The following TARS3 variants were observed in gnomAD, a reference collection of about 807,000 sequenced individuals.
The protein encoded by TARS3 is threonine--tRNA ligase 2, cytoplasmic.
In TARS3, 94 loss-of-function variants were observed where a neutral mutation model predicts 103.5. The ratio of observed to expected loss-of-function variants is 0.91; its 90% confidence interval spans 0.77 to 1.08. TARS3 has a LOEUF of 1.08. TARS3 is among the 50% of genes least tolerant of loss of function. The pLI, the probability that TARS3 is intolerant of heterozygous loss-of-function variation, is 0.00. For missense variants in TARS3, 952 were observed against 995.2 expected (o/e 0.96, Z 0.58); for synonymous variants, 416 against 355.4 (o/e 1.17, Z -1.92).
intron 10 of TARS3, among the ~76,000 whole-genome samples, chr15:101,695,324 AT>A (rs779335598): frequency 3.1e-4 from 47 of 152,218 alleles, no homozygotes; most frequent in Non-Finnish European, 5.6e-4. Flanking sequence ...TAGTTTTGGC[AT>A]TTCTGAAATG....
At position 101,723,082 on chromosome 15, in the gene TARS3, C is replaced by T; in HGVS notation, c.369+11G>A. 1 of 1,612,806 alleles carries T rather than the reference C, an allele frequency of 6.2e-7. No individual in the cohort carries two copies. Among genetic ancestry groups the T allele is most frequent in the African/African-American group, 1.3e-5 (1 of 75,024 alleles). On this transcript the variant is annotated intron_variant, in intron 2 of 18. Transcript: ENST00000335968. ...GTAGTATTTTATATTGTTTCCACAGCAACAACTTACCTCGCTGTCAGCCTC... is the reference window on the plus strand; with the variant it reads ...GTAGTATTTTATATTGTTTCCACAGTAACAACTTACCTCGCTGTCAGCCTC...
chr15:101,714,018 A>G (rs928084168), intron 4 of TARS3, among the ~76,000 whole-genome samples: 1 of 152,244 alleles, frequency 6.6e-6, no homozygotes, highest in Non-Finnish European at 1.5e-5. Flanking sequence ...TAAGCTAATC[A>G]TAACTTAGGT....
chr15:101,662,030 T>C (rs563209927), intron 15 of TARS3, among the ~76,000 whole-genome samples: 1 of 152,332 alleles, frequency 6.6e-6, no homozygotes, highest in East Asian at 1.9e-4. Flanking sequence ...CACTGAAACA[T>C]ATACAAAAGT....
chr15:101,664,404 C>G (rs550524535), intron 15 of TARS3: 1 of 152,192 alleles, frequency 6.6e-6, no homozygotes, highest in African/African-American at 2.4e-5. Flanking sequence ...TTAGACTTTT[C>G]GGAGTCCTAC....
In TARS3 at chr15:101,684,078, C is replaced by T. The variant is rs765089231; in HGVS notation, c.1647G>A (p.Glu549=). The change falls in exon 12 of 19, where the codon GAG becomes GAA. Residue 549 remains glutamate, a synonymous_variant. Coordinates refer to ENST00000335968, the MANE Select transcript of TARS3 (RefSeq NM_152334.3). ...TTCACTCTGTGTTATTGTTTACCTG[C>T]TCCACTGTGCAAAAAATGTGAGCAT... is the stretch of plus-strand genomic sequence containing the variant. ...QDDAHIFCTV[E]QIEEEIKGCL... is the part of the protein sequence containing the mutation. The T allele has an allele frequency of 1.9e-6, 3 of 1,612,722 alleles. No individual in the cohort carries two copies. In the Admixed American group the frequency reaches 5.0e-5, roughly 27 times the overall value.
At chr15:101,693,268 G>A (rs931712083) in intron 10 of TARS3, among the ~76,000 whole-genome samples, 1 of 152,264 alleles carries the variant, frequency 6.6e-6, no homozygotes, top group Middle Eastern at 3.4e-3. Context: ...GGCTGGTGGG[G>A]GGGCCTCACA....
intron 12 of TARS3, among the ~76,000 whole-genome samples, chr15:101,681,108 A>G (rs1419298847): frequency 6.6e-6 from 1 of 152,138 alleles, no homozygotes; most frequent in Non-Finnish European, 1.5e-5. Context: ...AGTTGTCCAT[A>G]TATTTGTGTC....
intron 12 of TARS3, 42 bp from the exon 13 acceptor site, chr15:101,675,779 T>C: frequency 1.3e-6 from 2 of 1,564,808 alleles, no homozygotes; most frequent in Non-Finnish European, 1.7e-6. Context: ...GAACATCAAA[T>C]TCATTTATGT....
At chr15:101,712,567 G>C (rs559841775) in intron 4 of TARS3, among the ~76,000 whole-genome samples, 2 of 152,166 alleles carry the variant, frequency 1.3e-5, no homozygotes, top group African/African-American at 2.4e-5. Context: ...GCCAGGGAAC[G>C]TCTGCTGGCT....
At chr15:101,682,412 C>CA (rs1442031409) in intron 12 of TARS3, among the ~76,000 whole-genome samples, 3 of 151,616 alleles carry the variant, frequency 2.0e-5, no homozygotes, top group African/African-American at 7.3e-5. Context: ...TGTTTGTTTT[C>CA]TTTTTTTTAG....
At chr15:101,655,587 C>G (rs1897170967) in intron 18 of TARS3, among the ~76,000 whole-genome samples, 1 of 140,010 alleles carries the variant, frequency 7.1e-6, no homozygotes, top group Non-Finnish European at 1.5e-5. Context: ...CACTAGGGCG[C>G]AAATGAGAGC....
chr15:101,692,717 T>C (rs1009495347), intron 10 of TARS3, among the ~76,000 whole-genome samples: 1 of 152,246 alleles, frequency 6.6e-6, no homozygotes, highest in South Asian at 2.1e-4. Flanking sequence ...AAGGGATTCT[T>C]GCTATTGGTA....
chr15:101,724,406 C>G lies in TARS3; in HGVS notation c.-19G>C, dbSNP rs967951956. 4 of 1,400,694 alleles carry G rather than the reference C, an allele frequency of 2.9e-6. No individual in the cohort carries two copies. The African/African-American group carries it at 6.0e-5, about 21-fold the overall frequency. 86.8% of individuals were successfully genotyped at this position (1,400,694 alleles called of 1,614,324 possible). ...CCGCCATCGCGGCCTCCCTCAGGCA[C>G]CGACGCCGAGCGGGGTGCCCGCGAC... On this transcript the variant is annotated 5_prime_UTR_variant, in exon 1 of 19. Coordinates refer to ENST00000335968, the MANE Select transcript of TARS3 (RefSeq NM_152334.3).
At chr15:101,667,249 T>A (rs1897616224) in intron 15 of TARS3, among the ~76,000 whole-genome samples, 1 of 152,142 alleles carries the variant, frequency 6.6e-6, no homozygotes, top group Non-Finnish European at 1.5e-5. Context: ...GCAGAGTAAA[T>A]TTAGCATTAT....
chr15:101,702,519 C>T (rs1899336374), intron 8 of TARS3, 134 bp from the exon 9 acceptor site: 5 of 759,198 alleles, frequency 6.6e-6, no homozygotes, highest in Non-Finnish European at 1.1e-5. Context: ...CCTATAATCC[C>T]AGCACTTTGG....
intron 12 of TARS3, among the ~76,000 whole-genome samples, chr15:101,678,257 C>G (rs1192067923): frequency 1.3e-5 from 2 of 152,274 alleles, no homozygotes; most frequent in Non-Finnish European, 2.9e-5. Context: ...GAATTACAGG[C>G]ATGAGCCACC....
chr15:101,708,836 T>A lies in TARS3; in HGVS notation c.887A>T (p.Glu296Val). Residue 296 changes from glutamate to valine, a missense_variant, in exon 6 of 19, where the codon GAA (glutamate) becomes GTA (valine). By Grantham distance (121) the Glu-to-Val change is moderately radical. Transcript: ENST00000335968. ...KAIIKEKQPF[E>V]RLEVSKEILL... is the part of the protein sequence containing the mutation. ...GATTTCCTTGCTGACTTCTAGTCTTTCAAAAGGTTGCTTTTCTTTTATGAT... is the reference window on the plus strand; with the variant it reads ...GATTTCCTTGCTGACTTCTAGTCTTACAAAAGGTTGCTTTTCTTTTATGAT... The A allele has an allele frequency of 6.2e-7, 1 of 1,613,790 alleles. No homozygotes were observed. Among genetic ancestry groups the A allele is most frequent in the African/African-American group, 1.3e-5 (1 of 74,992 alleles).
In TARS3 at chr15:101,654,686, T is replaced by G. The variant is rs751092722; in HGVS notation, c.2305A>C (p.Thr769Pro). ...TCTCCATGAATTTTGTTGTCTCTTG[T>G]TCGCACGTTTACAGCATTATCTATC... ...EKIDNAVNVR[T>P]RDNKIHGEIL... Residue 769 changes from threonine (T) to proline (P), a missense_variant, in exon 19 of 19, where the codon ACA becomes CCA. Thr to Pro is a conservative substitution (Grantham distance 38). Transcript: ENST00000335968. The G allele has an allele frequency of 6.2e-7, 1 of 1,614,172 alleles. No homozygotes were observed. The highest frequency in any genetic ancestry group is 1.1e-5 in the South Asian group (1 of 91,078).
intron 3 of TARS3, among the ~76,000 whole-genome samples, chr15:101,716,341 T>C (rs376211688): frequency 6.6e-6 from 1 of 152,174 alleles, no homozygotes; most frequent in Non-Finnish European, 1.5e-5. Flanking sequence ...AAAGGAAACC[T>C]GGAAAGCACA....
Sources: gnomAD v4.1 joint callset for allele counts (sites outside exome capture counted in the v4.1 genomes callset) on GRCh38, gnomAD v4.1.1 for gene constraint, MANE v1.5 for transcripts, NCBI Gene and HGNC (gene_info 2026-07-23, HGNC 2026-07-21) for gene names.